PGRMC2: variants seen among roughly 807,000 people sequenced by gnomAD.
PGRMC2 encodes the protein progesterone receptor membrane component 2, also known as membrane-associated progesterone receptor component 2.
Under a neutral mutation model 19.3 loss-of-function variants are expected in PGRMC2, and 9 were observed. The observed-to-expected ratio is 0.47, with a 90% CI of 0.28 to 0.81. PGRMC2 has a LOEUF of 0.81. Among genes scored for constraint, PGRMC2 ranks in the 40% least tolerant of loss-of-function variants. The probability of loss-of-function intolerance (pLI) is 0.11; values close to 1 mark genes in which losing one functional copy is unlikely to be tolerated. For missense variants in PGRMC2, 289 were observed against 297.3 expected (o/e 0.97, Z 0.21); for synonymous variants, 157 against 124.6 (o/e 1.26, Z -1.73).
rs1760727266 is a variant in PGRMC2, at chr4:128,271,403, A to C, written c.585T>G (p.Asp195Glu). The C allele has an allele frequency of 9.5e-6, 15 of 1,583,286 alleles. No individual in the cohort carries two copies. The highest frequency in any genetic ancestry group is 1.3e-5 in the Non-Finnish European group (15 of 1,153,082). ...CTGGTTTTAGGAGTCTGCCTACATA[A>C]TCATATTTTTCTGAAAGATACATCA... ...EWEMQFKEKY[D>E]YVGRLLKPGE... The change falls in exon 3 of 3, where the codon GAT becomes GAG. Residue 195 changes from aspartate (D) to glutamate (E), a missense_variant. Transcript: ENST00000296425.
rs1403040411 is a variant in PGRMC2 at position 128,270,465 on chromosome 4, CAG to C, written c.*849_*850del. On this transcript the variant is annotated 3_prime_UTR_variant, in exon 3 of 3. Transcript: ENST00000296425. ...ATATTCCTTTTACATTCTATATACA[CAG>C]AATGATATCAAGGTTTTATGGTCAA... 6.6e-6 allele frequency: 1 copy of C among 152,586 alleles called. No homozygotes were observed. The highest frequency in any genetic ancestry group is 1.5e-5 in the Non-Finnish European group (1 of 68,040). The allele number at this position is 152,586 out of a possible 1,614,324, so 9.5% of individuals were successfully genotyped here.
At chr4:128,273,525 C>A (rs923476913) in intron 1 of PGRMC2, among the ~76,000 whole-genome samples, 2 of 152,198 alleles carry the variant, frequency 1.3e-5, no homozygotes, top group African/African-American at 4.8e-5. Context: ...AACAGATTCA[C>A]TTATGGTAGG....
chr4:128,272,689 A>C (rs1261852719), intron 1 of PGRMC2, 172 bp from the exon 2 acceptor site: 1 of 407,274 alleles, frequency 2.5e-6, no homozygotes, highest in Non-Finnish European at 4.2e-6. Context: ...TGGAATAAGA[A>C]AAGAAATTTG....
intron 1 of PGRMC2, among the ~76,000 whole-genome samples, chr4:128,276,829 C>G (rs1760821774): frequency 6.6e-6 from 1 of 152,132 alleles, no homozygotes; most frequent in African/African-American, 2.4e-5. Context: ...TCAGTCAAAG[C>G]AAATACTCTG....
intron 1 of PGRMC2, among the ~76,000 whole-genome samples, chr4:128,284,508 A>C (rs1016076228): frequency 1.3e-5 from 2 of 152,344 alleles, no homozygotes; most frequent in South Asian, 4.1e-4. Flanking sequence ...TACTAAATTT[A>C]ATATTGGCAA....
chr4:128,284,993 A>G lies in PGRMC2; in HGVS notation c.418+2380T>C, dbSNP rs141239695. On this transcript the variant is annotated intron_variant, in intron 1 of 2. Coordinates refer to ENST00000296425, the MANE Select transcript of PGRMC2 (RefSeq NM_006320.6). ...TGATCAACTGTAGAATACTAACTGT[A>G]TATCACTCTTAGGCTGTTCAACAGA... Among the ~76,000 whole-genome samples, 218 of 152,346 alleles carry G rather than the reference A, an allele frequency of 1.4e-3. 3 individuals are homozygous for G. In the East Asian group the frequency reaches 0.03, roughly 21 times the overall value.
At chr4:128,277,190 A>C (rs1449955958) in intron 1 of PGRMC2, among the ~76,000 whole-genome samples, 1 of 150,804 alleles carries the variant, frequency 6.6e-6, no homozygotes, top group East Asian at 1.9e-4. Context: ...ACAAACAAAC[A>C]AAACAAACCC....
chr4:128,280,326 GGC>G, intron 1 of PGRMC2, among the ~76,000 whole-genome samples: 1 of 132,082 alleles, frequency 7.6e-6, no homozygotes, highest in Non-Finnish European at 1.6e-5. Context: ...TAATGGAAGA[GGC>G]AATAAGTAAC....
intron 1 of PGRMC2, among the ~76,000 whole-genome samples, chr4:128,277,775 T>G (rs560100880): frequency 1.3e-5 from 2 of 152,342 alleles, no homozygotes; most frequent in Non-Finnish European, 2.9e-5. Context: ...CCAAGACTTT[T>G]AGAGAGAATG....
At chr4:128,284,747 C>A (rs1760959027) in intron 1 of PGRMC2, among the ~76,000 whole-genome samples, 1 of 152,106 alleles carries the variant, frequency 6.6e-6, no homozygotes, top group South Asian at 2.1e-4. Context: ...TATTCTGCTA[C>A]AAAACTGCTT....
At chr4:128,286,415 C>T (rs1561619004) in intron 1 of PGRMC2, among the ~76,000 whole-genome samples, 1 of 152,234 alleles carries the variant, frequency 6.6e-6, no homozygotes. Context: ...TCTAAATCAA[C>T]TACCCTACAC....
intron 1 of PGRMC2, among the ~76,000 whole-genome samples, chr4:128,273,793 T>C (rs975018134): frequency 3.3e-5 from 5 of 152,210 alleles, no homozygotes; most frequent in African/African-American, 9.6e-5. Flanking sequence ...GAGTATTAAT[T>C]TGAGTTGCTA....
intron 1 of PGRMC2, chr4:128,286,962 T>C (rs1422952660): frequency 4.0e-5 from 15 of 377,578 alleles, no homozygotes; most frequent in Non-Finnish European, 6.5e-5. Flanking sequence ...ACTTCAGAAA[T>C]CTCCCTTCCC....
At chr4:128,279,392 C>CT (rs1760869891) in intron 1 of PGRMC2, among the ~76,000 whole-genome samples, 1 of 152,100 alleles carries the variant, frequency 6.6e-6, no homozygotes, top group Non-Finnish European at 1.5e-5. Context: ...GACCAAGAAG[C>CT]TTAATACCAC....
chr4:128,273,110 A>G (rs925001603), intron 1 of PGRMC2: 1 of 152,192 alleles, frequency 6.6e-6, no homozygotes, highest in Non-Finnish European at 1.5e-5. Context: ...TAATAAAAAA[A>G]GACCCATATT....
rs137964198 is a variant in PGRMC2 at position 128,274,537 on chromosome 4, A to AAAAAAAAAAAAAAG, written c.419-2021_419-2020insCTTTTTTTTTTTTT. Among the ~76,000 whole-genome samples, 2 of 128,222 alleles carry AAAAAAAAAAAAAAG rather than the reference A, an allele frequency of 1.6e-5. 1 individual carries two copies. 84.1% of individuals were successfully genotyped at this position (128,222 alleles called of 152,430 possible). A position where few individuals can be genotyped will look rare whatever the true frequency, so the allele number is the denominator to read the frequency against. On this transcript the variant is annotated intron_variant, in intron 1 of 2. Transcript: ENST00000296425. ...AAAGAAAAAAAAAAAAAAAAAAAAAAGGTATTAACCAGTTATGTCTGTGTG... is the reference window on the plus strand; with the variant it reads ...AAAGAAAAAAAAAAAAAAAAAAAAAAAAAAAAAAAAAAAGGGTATTAACCAGTTATGTCTGTGTG...
chr4:128,275,105 T>G (rs1396120195), intron 1 of PGRMC2, among the ~76,000 whole-genome samples: 1 of 152,126 alleles, frequency 6.6e-6, no homozygotes, highest in Non-Finnish European at 1.5e-5. Flanking sequence ...CTTACAAAAT[T>G]TCAAGGGAAT....
At chr4:128,275,631 T>A (rs1019649118) in intron 1 of PGRMC2, among the ~76,000 whole-genome samples, 1 of 152,228 alleles carries the variant, frequency 6.6e-6, no homozygotes, top group Non-Finnish European at 1.5e-5. Flanking sequence ...GTCTTCTCCA[T>A]ATGTTTAGAA....
intron 2 of PGRMC2, among the ~76,000 whole-genome samples, chr4:128,271,750 A>AG (rs1760733666): frequency 6.6e-6 from 1 of 152,220 alleles, no homozygotes; most frequent in African/African-American, 2.4e-5. Context: ...CAGCTAAACC[A>AG]GAACAGCTGT....
Sources: gnomAD v4.1 joint callset for allele counts (sites outside exome capture counted in the v4.1 genomes callset) on GRCh38, gnomAD v4.1.1 for gene constraint, MANE v1.5 for transcripts, NCBI Gene and HGNC (gene_info 2026-07-23, HGNC 2026-07-21) for gene names.